The following TDG variants were observed in gnomAD, a reference collection of about 807,000 sequenced individuals.
The protein encoded by TDG is thymine DNA glycosylase, also known as G/T mismatch-specific thymine DNA glycosylase.
Under a neutral mutation model 46.1 loss-of-function variants are expected in TDG, and 23 were observed. That is an observed-to-expected ratio of 0.50 (90% CI 0.36 to 0.71). TDG has a LOEUF of 0.71. Ranked by LOEUF, TDG falls within the 30% of genes least tolerant of loss-of-function variation. The pLI is 0.00. For synonymous variants in TDG, 115 were observed against 161.3 expected (o/e 0.71, Z 2.18); for missense variants, 304 against 486.7 (o/e 0.62, Z 3.53).
At position 103,973,165 on chromosome 12, in the gene TDG, A is replaced by G. The variant is rs558862433; in HGVS notation, c.24-3753A>G. 4 of 612,272 alleles carry G rather than the reference A, an allele frequency of 6.5e-6. No homozygotes were observed. The South Asian group carries it at 7.1e-5, about 11-fold the overall frequency. The allele number at this position is 612,272 out of a possible 1,614,324, so 37.9% of individuals were successfully genotyped here. Reference sequence around the variant, plus strand: ...AATGGCATCATCTCGGCTCACCACAACCTCCACCTCCTGGGTTCAAGCGAT... The same window carrying G: ...AATGGCATCATCTCGGCTCACCACAGCCTCCACCTCCTGGGTTCAAGCGAT... On this transcript the variant is annotated intron_variant, in intron 1 of 9. Transcript: ENST00000392872.
chr12:103,976,804 T>A, intron 1 of TDG, 114 bp from the exon 2 acceptor site: 1 of 1,283,756 alleles, frequency 7.8e-7, no homozygotes, highest in Non-Finnish European at 1.1e-6. Flanking sequence ...AATAAATACT[T>A]CAGTCTGGTT....
rs3751209 is a variant in TDG at position 103,979,822 on chromosome 12, G to A, written c.167-9G>A. On this transcript the variant is annotated splice_polypyrimidine_tract_variant and intron_variant, in intron 2 of 9. Transcript: ENST00000392872. ...TTTTCTGCATTTCTGGAAATTATTT[G>A]TATTTCAGAGGCTCCAAAAGGAAGA... 0.25 allele frequency: 385,384 copies of A among 1,539,642 alleles called. 51,505 individuals carry two copies. Among genetic ancestry groups the A allele is most frequent in the East Asian group, 0.5 (21,970 of 43,928 alleles).
Position 103,983,223 on chromosome 12 carries a change from G to T in TDG, c.697+5G>T. ...TAGCAGTGTTTAATGGAAAATGTAAGATTTACTTTTAAATTTTTTTTTTCT... is the reference window on the plus strand; with the variant it reads ...TAGCAGTGTTTAATGGAAAATGTAATATTTACTTTTAAATTTTTTTTTTCT... On this transcript the variant is annotated splice_donor_5th_base_variant and intron_variant, in intron 6 of 9. Transcript: ENST00000392872. The T allele has an allele frequency of 6.4e-7, 1 of 1,555,622 alleles. No homozygotes were observed. The highest frequency in any genetic ancestry group is 1.2e-5 in the South Asian group (1 of 82,402).
chr12:103,981,793 T>C (rs1199524652), intron 4 of TDG, among the ~76,000 whole-genome samples: 1 of 152,138 alleles, frequency 6.6e-6, no homozygotes, highest in Non-Finnish European at 1.5e-5. Flanking sequence ...GAGGATCACT[T>C]GAGGCCAGGA....
At chr12:103,980,997 A>G in intron 4 of TDG, 35 bp downstream of exon 4, 1 of 1,571,690 alleles carries the variant, frequency 6.4e-7, no homozygotes, top group Non-Finnish European at 8.7e-7. Flanking sequence ...TTTACTTTTA[A>G]ATTAGGTATC....
intron 1 of TDG, chr12:103,973,063 C>G: frequency 3.0e-6 from 2 of 673,268 alleles, no homozygotes; most frequent in South Asian, 3.0e-5. Flanking sequence ...GACCATGTGA[C>G]AGAGTAAAAA....
chr12:103,979,340 G>C (rs1470381499), intron 2 of TDG, among the ~76,000 whole-genome samples: 1 of 151,962 alleles, frequency 6.6e-6, no homozygotes, highest in African/African-American at 2.4e-5. Context: ...CTGACGTCAG[G>C]TGATCTGCCT....
In TDG at chr12:103,985,052, T is replaced by C. The variant is rs1344362885; in HGVS notation, c.964+132T>C. The stretch of plus-strand genomic sequence containing the variant: ...ATGTGTGCACATATATGCACACGTG[T>C]ATATATACATGTGTATATATACATA... On this transcript the variant is annotated intron_variant, in intron 8 of 9. Coordinates refer to ENST00000392872, the MANE Select transcript of TDG (RefSeq NM_003211.6). The C allele has an allele frequency of 2.1e-5, 10 of 470,586 alleles. No homozygotes were observed. In the East Asian group the frequency reaches 4.8e-4, roughly 23 times the overall value. The allele number at this position is 470,586 out of a possible 1,614,324, so 29.2% of individuals were successfully genotyped here. A position where few individuals can be genotyped will look rare whatever the true frequency, so the allele number is the denominator to read the frequency against.
intron 2 of TDG, among the ~76,000 whole-genome samples, chr12:103,978,945 C>T (rs537951085): frequency 1.1e-4 from 16 of 152,168 alleles, no homozygotes; most frequent in African/African-American, 2.9e-4. Flanking sequence ...AACTGCTTTA[C>T]GTCCTGAGGT....
chr12:103,972,950 G>A (rs1019402891), intron 1 of TDG: 18 of 697,804 alleles, frequency 2.6e-5, no homozygotes, highest in Middle Eastern at 2.3e-4. Context: ...CCTAATTTAT[G>A]TATTTTCAGT....
At position 103,981,768 on chromosome 12, in the gene TDG, G is replaced by A. The variant is rs553562849; in HGVS notation, c.478+806G>A. 2.0e-5 allele frequency among the ~76,000 whole-genome samples: 3 copies of A among 152,204 alleles called. No homozygotes were observed. The South Asian group carries it at 6.2e-4, about 32-fold the overall frequency. On this transcript the variant is annotated intron_variant, in intron 4 of 9. Coordinates refer to ENST00000392872, the MANE Select transcript of TDG (RefSeq NM_003211.6). ...CTCACACCTGTAATCCCAACACTTTGGGAGGCCAAAGCAGGAGGATCACTT... is the reference window on the plus strand; with the variant it reads ...CTCACACCTGTAATCCCAACACTTTAGGAGGCCAAAGCAGGAGGATCACTT...
intron 1 of TDG, among the ~76,000 whole-genome samples, chr12:103,974,378 G>A (rs559230094): frequency 1.4e-4 from 22 of 152,154 alleles, no homozygotes; most frequent in African/African-American, 5.1e-4. Context: ...CTAGACTCAG[G>A]CAATCCTCCT....
intron 1 of TDG, among the ~76,000 whole-genome samples, chr12:103,976,574 T>C (rs1871554852): frequency 6.6e-6 from 1 of 152,244 alleles, no homozygotes; most frequent in Non-Finnish European, 1.5e-5. Context: ...ATCTTAACCC[T>C]GTATGGGTTG....
Position 103,983,236 on chromosome 12 carries a change from A to T in TDG, c.697+18A>T, listed in dbSNP as rs1566183167. On this transcript the variant is annotated intron_variant, in intron 6 of 9. Coordinates refer to ENST00000392872, the MANE Select transcript of TDG (RefSeq NM_003211.6). ...TGGAAAATGTAAGATTTACTTTTAA[A>T]TTTTTTTTTTCTTTGCTAACATTAT... The T allele has an allele frequency of 2.7e-5, 42 of 1,528,326 alleles. No individual in the cohort carries two copies. The highest frequency in any genetic ancestry group is 4.7e-5 in the East Asian group (2 of 42,644). The allele number at this position is 1,528,326 out of a possible 1,614,324, so 94.7% of individuals were successfully genotyped here.
chr12:103,980,239 GA>G (rs1453231163), intron 3 of TDG, 167 bp downstream of exon 3: 1 of 897,112 alleles, frequency 1.1e-6, no homozygotes, highest in African/African-American at 1.7e-5. Flanking sequence ...GAGTGTTTAA[GA>G]GGGTGGGCTC....
intron 9 of TDG, chr12:103,986,579 C>T (rs1218914937): frequency 6.4e-6 from 1 of 157,376 alleles, no homozygotes; most frequent in African/African-American, 2.4e-5. Flanking sequence ...ATCCTAGCTA[C>T]TTGGGAGGCT....
intron 3 of TDG, 34 bp downstream of exon 3, chr12:103,980,106 A>T (rs530492599): frequency 2.4e-5 from 39 of 1,609,410 alleles, no homozygotes; most frequent in Non-Finnish European, 3.1e-5. Context: ...TTTTATAAGT[A>T]GTATTGGGGG....
chr12:103,983,869 G>C (rs1871985349), intron 7 of TDG, among the ~76,000 whole-genome samples: 1 of 152,172 alleles, frequency 6.6e-6, no homozygotes, highest in Non-Finnish European at 1.5e-5. Flanking sequence ...CAATACTGTT[G>C]TCTTATACAC....
chr12:103,966,963 C>G (rs2136230161), intron 1 of TDG, among the ~76,000 whole-genome samples: 1 of 152,244 alleles, frequency 6.6e-6, no homozygotes, highest in African/African-American at 2.4e-5. Context: ...AAAGGGCACA[C>G]TAACCAAAAT....
Sources: allele counts gnomAD v4.1 joint callset (sites outside exome capture counted in the v4.1 genomes callset), GRCh38; gene constraint gnomAD v4.1.1; transcripts MANE v1.5; gene names NCBI Gene and HGNC (gene_info 2026-07-23, HGNC 2026-07-21).